Variants in PEAR1 observed in about 807,000 individuals in gnomAD.
PEAR1 encodes platelet endothelial aggregation receptor 1.
Under a neutral mutation model 131.2 loss-of-function variants are expected in PEAR1, and 113 were observed. The observed-to-expected ratio is 0.86, with a 90% CI of 0.74 to 1.01. PEAR1 has a LOEUF of 1.01. Ranked by LOEUF, PEAR1 falls within the 50% of genes least tolerant of loss-of-function variation. PEAR1 has a pLI of 0.00. For synonymous variants in PEAR1, 565 were observed against 523.3 expected, an observed-to-expected ratio of 1.08 and a Z score of -1.09; for missense variants, 1,408 against 1,391.1, an observed-to-expected ratio of 1.01 and a Z score of -0.19.
chr1:156,907,393 C>G (rs549827070), intron 6 of PEAR1, among the ~76,000 whole-genome samples: 3 of 152,222 alleles, frequency 2.0e-5, no homozygotes, highest in Admixed American at 6.5e-5. Context: ...ACATGCCACC[C>G]GTGGCTCTTT....
chr1:156,913,275 C>A lies in PEAR1; in HGVS notation c.2504C>A (p.Pro835His). ...LSQCSPNPPP[P>H]NKVPGPLFAS... ...CAGTGCTCCCCAAACCCCCCACCCC[C>A]TAACAAGGTCAGTGCCGGGGGAGGG... The change falls in exon 19 of 23, where the codon CCT (proline) becomes CAT (histidine). Residue 835 changes from proline to histidine, a missense_variant. Transcript: ENST00000292357. 1 of 1,605,202 alleles carries A rather than the reference C, an allele frequency of 6.2e-7. No individual in the cohort carries two copies. The highest frequency in any genetic ancestry group is 1.7e-4 in the Middle Eastern group (1 of 6,010).
chr1:156,912,739 C>T (rs755773114), intron 17 of PEAR1, 31 bp from the exon 18 acceptor site: 1 of 1,613,446 alleles, frequency 6.2e-7, no homozygotes, highest in Non-Finnish European at 8.5e-7. Flanking sequence ...AGCCAAGATG[C>T]CATTCTGAGT....
intron 15 of PEAR1, among the ~76,000 whole-genome samples, chr1:156,911,050 T>TTTC (rs1570981081): frequency 5.5e-5 from 6 of 108,172 alleles, no homozygotes; most frequent in African/African-American, 2.2e-4. Context: ...TCTTTCTTTC[T>TTTC]TTCTTTCTTT....
At chr1:156,911,111 C>CTTTCTTTCT (rs1651089028) in intron 15 of PEAR1, among the ~76,000 whole-genome samples, 1 of 91,210 alleles carries the variant, frequency 1.1e-5, no homozygotes, top group Non-Finnish European at 2.2e-5. Context: ...TCTTTCTTTT[C>CTTTCTTTCT]TTTCTTCTTT....
rs774536391 is a variant in PEAR1 at position 156,910,340 on chromosome 1, C to T, written c.1785C>T (p.Cys595=). The T allele has an allele frequency of 1.3e-5, 21 of 1,610,622 alleles. No homozygotes were observed. The highest frequency in any genetic ancestry group is 4.0e-5 in the African/African-American group (3 of 74,850). Residue 595 remains cysteine (C), a synonymous_variant, in exon 14 of 23, where the codon TGC becomes TGT. Coordinates refer to ENST00000292357, the MANE Select transcript of PEAR1 (RefSeq NM_001080471.3). The part of the protein sequence containing the change: ...GGTCLPENGN[C]VCAPGFRGPS... The stretch of plus-strand genomic sequence containing the variant: ...CCTGTCTCCCTGAGAATGGCAACTG[C>T]GTGTGTGCACCCGGATTCCGGGGCC...
Position 156,908,183 on chromosome 1 carries a change from G to A in PEAR1, c.958G>A (p.Asp320Asn). The A allele has an allele frequency of 1.2e-6, 2 of 1,603,532 alleles. No individual in the cohort carries two copies. The highest frequency in any genetic ancestry group is 1.7e-6 in the Non-Finnish European group (2 of 1,179,016). The part of the protein sequence containing the change: ...RFGQDCAETC[D>N]CAPDARCFPA... ...TGGGCAGGACTGTGCTGAGACGTGCGACTGCGCCCCGGACGCCCGTTGCTT... is the reference window on the plus strand; with the variant it reads ...TGGGCAGGACTGTGCTGAGACGTGCAACTGCGCCCCGGACGCCCGTTGCTT... Residue 320 changes from aspartate (D) to asparagine (N), a missense_variant, in exon 9 of 23, where the codon GAC (aspartate) becomes AAC (asparagine). Coordinates refer to ENST00000292357, the MANE Select transcript of PEAR1 (RefSeq NM_001080471.3). This position sits in a 1 kb window ranked among gnomAD's most constrained non-coding sequence, Gnocchi z 4.2.
chr1:156,906,260 C>T lies in PEAR1; in HGVS notation c.308-16C>T, dbSNP rs371331025. ...GCAGGGGTGGACACATCTCACCACA[C>T]CCATCTCTGTCCCAGCGCTCTGTGC... On this transcript the variant is annotated splice_polypyrimidine_tract_variant and intron_variant, in intron 4 of 22. Coordinates refer to ENST00000292357, the MANE Select transcript of PEAR1 (RefSeq NM_001080471.3). 2.7e-5 allele frequency: 43 copies of T among 1,612,642 alleles called. No individual in the cohort carries two copies. Among genetic ancestry groups the T allele is most frequent in the Non-Finnish European group, 3.4e-5 (40 of 1,178,798 alleles).
At chr1:156,914,308 C>A (rs1340607196) in intron 22 of PEAR1, among the ~76,000 whole-genome samples, 1 of 152,174 alleles carries the variant, frequency 6.6e-6, no homozygotes, top group Non-Finnish European at 1.5e-5. Flanking sequence ...GTATGGTGTA[C>A]CTTCTTCGCA....
At chr1:156,910,522 A>T in intron 14 of PEAR1, 96 bp from the exon 15 acceptor site, 2 of 1,562,772 alleles carry the variant, frequency 1.3e-6, no homozygotes, top group South Asian at 2.4e-5. Context: ...TCTTCAGACT[A>T]GTTACTGCAG....
rs1570997590 is a variant in PEAR1, at chr1:156,914,046, C to T, written c.2908C>T (p.Pro970Ser). 6.2e-7 allele frequency: 1 copy of T among 1,608,882 alleles called. No homozygotes were observed. The highest frequency in any genetic ancestry group is 1.7e-5 in the Admixed American group (1 of 59,480). The change falls in exon 22 of 23, where the codon CCC becomes TCC. Residue 970 changes from proline to serine, a missense_variant. Pro to Ser is a moderately conservative substitution (Grantham distance 74, BLOSUM62 -1). Transcript: ENST00000292357. ...CTGGGACAGCCAGAGGCGGCGGCAA[C>T]CCCAGCCACAGAGAGACAGTGGCAC... ...QFWDSQRRRQ[P>S]QPQRDSGTYE... is the part of the protein sequence containing the mutation.
At chr1:156,897,328 A>T (rs2102959800) in intron 1 of PEAR1, among the ~76,000 whole-genome samples, 1 of 152,334 alleles carries the variant, frequency 6.6e-6, no homozygotes, top group East Asian at 1.9e-4. Context: ...CCGCTCACAG[A>T]GCCTTGGAGA....
intron 1 of PEAR1, among the ~76,000 whole-genome samples, chr1:156,901,201 T>C (rs1010882283): frequency 1.3e-5 from 2 of 152,200 alleles, no homozygotes; most frequent in Admixed American, 1.3e-4. Flanking sequence ...ACTCTGGCCC[T>C]ACCCTGAGGA....
chr1:156,899,589 G>A lies in PEAR1; in HGVS notation c.-9-4329G>A, dbSNP rs374844489. On this transcript the variant is annotated intron_variant, in intron 1 of 22. Transcript: ENST00000292357. ...GAATTAATACCCAAAGGCGCCAAGG[G>A]GAGGGCGGATGGGGGCCACATTGGG... Among the ~76,000 whole-genome samples the A allele has an allele frequency of 3.3e-4, 51 of 152,358 alleles. 1 individual carries two copies. Among genetic ancestry groups the A allele is most frequent in the African/African-American group, 1.1e-3 (46 of 41,584 alleles).
rs979178354 is a variant in PEAR1, at chr1:156,902,646, A to G, written c.-9-1272A>G. Among the ~76,000 whole-genome samples the G allele has an allele frequency of 6.6e-6, 1 of 152,026 alleles. No individual in the cohort carries two copies. The highest frequency in any genetic ancestry group is 1.5e-5 in the Non-Finnish European group (1 of 67,996). On this transcript the variant is annotated intron_variant, in intron 1 of 22. Coordinates refer to ENST00000292357, the MANE Select transcript of PEAR1 (RefSeq NM_001080471.3). The surrounding 1 kb of genome is among the most constrained non-coding windows in gnomAD (Gnocchi z 4.3). ...AGGCAGCAACATTCCAGAGATACTC[A>G]GGGGGGTAAGGGGCCAGCAACCGCG... is the stretch of plus-strand genomic sequence containing the variant.
At position 156,909,848 on chromosome 1, in the gene PEAR1, C is replaced by T; in HGVS notation, c.1509C>T (p.Ser503=). The change falls in exon 12 of 23, where the codon AGC becomes AGT. Residue 503 remains serine (S), a synonymous_variant. Transcript: ENST00000292357. The part of the protein sequence containing the change: ...SCQCAHEAVC[S]PQTGACTCTP... ...AGTGTGCCCATGAGGCAGTCTGCAG[C>T]CCCCAAACTGGAGCCTGTACCTGCA... The T allele has an allele frequency of 6.2e-7, 1 of 1,613,840 alleles. No individual in the cohort carries two copies. Among genetic ancestry groups the T allele is most frequent in the East Asian group, 2.2e-5 (1 of 44,878 alleles).
At chr1:156,913,663 C>A in intron 20 of PEAR1, 29 bp from the exon 21 acceptor site, 1 of 1,610,538 alleles carries the variant, frequency 6.2e-7, no homozygotes, top group Non-Finnish European at 8.5e-7. Context: ...GGACAGAGGG[C>A]TGATTACCAG....
rs769293097 is a variant in PEAR1 at position 156,908,212 on chromosome 1, G to C, written c.987G>C (p.Pro329=). 1.2e-6 allele frequency: 2 copies of C among 1,602,740 alleles called. No individual in the cohort carries two copies. Among genetic ancestry groups the C allele is most frequent in the East Asian group, 2.2e-5 (1 of 44,730 alleles). The change falls in exon 9 of 23, where the codon CCG becomes CCC. Residue 329 remains proline (P), a synonymous_variant. Coordinates refer to ENST00000292357, the MANE Select transcript of PEAR1 (RefSeq NM_001080471.3). The surrounding 1 kb of genome is among the most constrained non-coding windows in gnomAD (Gnocchi z 4.2). ...CDCAPDARCF[P]ANGACLCEHG... ...GCGCCCCGGACGCCCGTTGCTTCCC[G>C]GCCAACGGCGCATGTCTGTGCGAAC...
intron 2 of PEAR1, 114 bp downstream of exon 2, chr1:156,904,141 A>G: frequency 1.2e-6 from 1 of 818,752 alleles, no homozygotes; most frequent in Non-Finnish European, 2.0e-6. Context: ...CCTTCTCTCT[A>G]GTCTCTCCCC....
intron 4 of PEAR1, among the ~76,000 whole-genome samples, chr1:156,905,785 C>G (rs796102873): frequency 6.6e-6 from 1 of 152,126 alleles, no homozygotes; most frequent in Non-Finnish European, 1.5e-5. Context: ...CTGCCTCTGT[C>G]TCTTCCTCTC....
Sources: allele counts gnomAD v4.1 joint callset (sites outside exome capture counted in the v4.1 genomes callset), GRCh38; gene constraint gnomAD v4.1.1; non-coding constraint Gnocchi (gnomAD v3.1); transcripts MANE v1.5; gene names NCBI Gene and HGNC (gene_info 2026-07-23, HGNC 2026-07-21).